Variants in GNB1 observed in about 807,000 individuals in gnomAD.
The protein encoded by GNB1 is guanine nucleotide-binding protein G(I)/G(S)/G(T) subunit beta-1.
GNB1 carries 2 observed loss-of-function variants against 42.9 expected under a neutral mutation model. The ratio of observed to expected loss-of-function variants is 0.05; its 90% CI spans 0.02 to 0.15. The LOEUF is 0.15. Among genes scored for constraint, GNB1 ranks in the 10% least tolerant of loss-of-function variants. The probability of loss-of-function intolerance (pLI) is 1.00; values close to 1 mark genes in which losing one functional copy is unlikely to be tolerated. For synonymous variants in GNB1, 183 were observed against 174.7 expected, an observed-to-expected ratio of 1.05 and a Z score of -0.38; for missense variants, 193 against 462.2, an observed-to-expected ratio of 0.42 and a Z score of 5.34.
chr1:1,871,336 T>C (rs1020530227), intron 1 of GNB1, among the ~76,000 whole-genome samples: 1 of 152,120 alleles, frequency 6.6e-6, no homozygotes, highest in Non-Finnish European at 1.5e-5. Flanking sequence ...GGCACACATC[T>C]ATAATCTCAG....
At chr1:1,800,954 C>T (rs1299580040) in intron 7 of GNB1, among the ~76,000 whole-genome samples, 1 of 152,198 alleles carries the variant, frequency 6.6e-6, no homozygotes, top group Non-Finnish European at 1.5e-5. Flanking sequence ...AAAGGACGCC[C>T]GCAGAAGGCG....
In GNB1 at chr1:1,800,963, C is replaced by T. The variant is rs137990954; in HGVS notation, c.430+3456G>A. On this transcript the variant is annotated intron_variant, in intron 7 of 11. Coordinates refer to ENST00000378609, the MANE Select transcript of GNB1 (RefSeq NM_002074.5). ...CGGCCGAAAGGACGCCCGCAGAAGG[C>T]GCCTTTGCAGGAGAGCGGGAAGGGC... is the stretch of plus-strand genomic sequence containing the variant. Among the ~76,000 whole-genome samples, 261 of 152,230 alleles carry T rather than the reference C, an allele frequency of 1.7e-3. 1 individual carries two copies. Among genetic ancestry groups the T allele is most frequent in the African/African-American group, 6.0e-3 (249 of 41,570 alleles).
At chr1:1,872,705 A>AAACCAAGTGCCCTCTCC (rs1553205869) in intron 1 of GNB1, among the ~76,000 whole-genome samples, 1 of 151,872 alleles carries the variant, frequency 6.6e-6, no homozygotes, top group African/African-American at 2.4e-5. Context: ...ACAATACCCT[A>AAACCAAGTGCCCTCTCC]AACCAAGTGC....
Position 1,790,908 on chromosome 1 carries a change from G to T in GNB1, c.498-312C>A, listed in dbSNP as rs753881248. On this transcript the variant is annotated intron_variant, in intron 8 of 11. Coordinates refer to ENST00000378609, the MANE Select transcript of GNB1 (RefSeq NM_002074.5). This position sits in a 1 kb window ranked among gnomAD's most constrained non-coding sequence, Gnocchi z 5.4. ...TTTCAAGCAGCACCACTGAGGCTGTGCCCCCTCTTTGGTCATGGATGGGCA... is the reference window on the plus strand; with the variant it reads ...TTTCAAGCAGCACCACTGAGGCTGTTCCCCCTCTTTGGTCATGGATGGGCA... 6.6e-5 allele frequency among the ~76,000 whole-genome samples: 10 copies of T among 152,148 alleles called. No homozygotes were observed. Among genetic ancestry groups the T allele is most frequent in the Non-Finnish European group, 1.3e-4 (9 of 68,032 alleles).
rs560199756 is a variant in GNB1 at position 1,857,905 on chromosome 1, A to G, written c.-95-18667T>C. ...CAGAACCACCATAACAACATACCGT[A>G]ATAAAAGTTATGGGAATGTGGTCTC... On this transcript the variant is annotated intron_variant, in intron 1 of 11. Coordinates refer to ENST00000378609, the MANE Select transcript of GNB1 (RefSeq NM_002074.5). 1.2e-4 allele frequency among the ~76,000 whole-genome samples: 19 copies of G among 152,294 alleles called. No homozygotes were observed. The South Asian group carries it at 3.9e-3, about 32-fold the overall frequency.
intron 1 of GNB1, among the ~76,000 whole-genome samples, chr1:1,860,116 T>C (rs941607268): frequency 4.6e-5 from 7 of 152,192 alleles, no homozygotes; most frequent in Non-Finnish European, 1.0e-4. Flanking sequence ...AATGAAAGCA[T>C]GTCCTTTGCA....
chr1:1,787,527 C>T lies in GNB1; in HGVS notation c.917-90G>A. ...GTTGTGACGAGGACGGATGGTGCATCTCTCATGGGACAAGACCCAGAGTCT... is the reference window on the plus strand; with the variant it reads ...GTTGTGACGAGGACGGATGGTGCATTTCTCATGGGACAAGACCCAGAGTCT... On this transcript the variant is annotated intron_variant, in intron 10 of 11. Transcript: ENST00000378609. The surrounding 1 kb of genome is among the most constrained non-coding windows in gnomAD (Gnocchi z 4.4). The T allele has an allele frequency of 1.3e-6, 1 of 767,166 alleles. No homozygotes were observed. The highest frequency in any genetic ancestry group is 2.2e-6 in the Non-Finnish European group (1 of 451,776). 47.5% of individuals were successfully genotyped at this position (767,166 alleles called of 1,614,324 possible). A position where few individuals can be genotyped will look rare whatever the true frequency, so the allele number is the denominator to read the frequency against.
rs1395773987 is a variant in GNB1 at position 1,787,144 on chromosome 1, A to G, written c.*10-91T>C. On this transcript the variant is annotated intron_variant, in intron 11 of 11. Transcript: ENST00000378609. This position sits in a 1 kb window ranked among gnomAD's most constrained non-coding sequence, Gnocchi z 4.4. ...AGGTCACTGCTCTTCCCATCACTGC[A>G]TGAGTGTCTGCAGCTGAGGGCACGT... 5 of 523,298 alleles carry G rather than the reference A, an allele frequency of 9.6e-6. No individual in the cohort carries two copies. The East Asian group carries it at 1.4e-4, about 14-fold the overall frequency. The allele number at this position is 523,298 out of a possible 1,614,324, so 32.4% of individuals were successfully genotyped here. A position where few individuals can be genotyped will look rare whatever the true frequency, so the allele number is the denominator to read the frequency against.
chr1:1,842,881 C>T (rs1334724070), intron 1 of GNB1, among the ~76,000 whole-genome samples: 1 of 152,236 alleles, frequency 6.6e-6, no homozygotes, highest in East Asian at 1.9e-4. Context: ...GAAGCGAAGC[C>T]TCGCTCCGGG....
intron 1 of GNB1, among the ~76,000 whole-genome samples, chr1:1,846,942 A>T (rs1264138871): frequency 6.6e-6 from 1 of 152,200 alleles, no homozygotes; most frequent in Non-Finnish European, 1.5e-5. Context: ...TGGCTTAAAA[A>T]ATGTTAAGAT....
intron 7 of GNB1, among the ~76,000 whole-genome samples, chr1:1,803,159 TA>T (rs1646648452): frequency 6.6e-6 from 1 of 152,222 alleles, no homozygotes; most frequent in Admixed American, 6.5e-5. Context: ...TGAGAACAAA[TA>T]ATACAGCCAG....
In GNB1 at chr1:1,807,713, CTTTTTTTT is replaced by C. The variant is rs950959780; in HGVS notation, c.204-1183_204-1176del. 9.0e-5 allele frequency among the ~76,000 whole-genome samples: 13 copies of C among 144,172 alleles called. No individual in the cohort carries two copies. The East Asian group carries it at 1.2e-3, about 13-fold the overall frequency. 94.6% of individuals were successfully genotyped at this position (144,172 alleles called of 152,430 possible). A position where few individuals can be genotyped will look rare whatever the true frequency, so the allele number is the denominator to read the frequency against. ...ACTATCACGAATTTTTTCTTTTTTT[CTTTTTTTT>C]TTTTGAGACGGAGTCTCGCTCCGTG... On this transcript the variant is annotated intron_variant, in intron 5 of 11. Coordinates refer to ENST00000378609, the MANE Select transcript of GNB1 (RefSeq NM_002074.5).
At chr1:1,832,063 CAAAAA>C (rs574314079) in intron 2 of GNB1, among the ~76,000 whole-genome samples, 1 of 87,082 alleles carries the variant, frequency 1.1e-5, no homozygotes, top group Non-Finnish European at 2.4e-5. Flanking sequence ...GACCTTGTCT[CAAAAA>C]AAAAAAAAAA....
At chr1:1,850,447 GT>G (rs1316401512) in intron 1 of GNB1, among the ~76,000 whole-genome samples, 1 of 151,594 alleles carries the variant, frequency 6.6e-6, no homozygotes, top group Non-Finnish European at 1.5e-5. Flanking sequence ...TGCTATTTTT[GT>G]TCTGGTTTAT....
At chr1:1,842,434 CAAAA>C (rs758786067) in intron 1 of GNB1, among the ~76,000 whole-genome samples, 3 of 91,290 alleles carry the variant, frequency 3.3e-5, no homozygotes, top group Non-Finnish European at 2.3e-5. Context: ...GACTCCATCT[CAAAA>C]AAAAAAAAAA....
chr1:1,797,074 C>T (rs1570629137), intron 7 of GNB1, among the ~76,000 whole-genome samples: 3 of 152,266 alleles, frequency 2.0e-5, no homozygotes, highest in Admixed American at 2.0e-4. Flanking sequence ...TGGCTGCCGA[C>T]CCAAAGACAG....
intron 1 of GNB1, among the ~76,000 whole-genome samples, chr1:1,841,230 C>A (rs561626250): frequency 6.6e-6 from 1 of 151,898 alleles, no homozygotes; most frequent in African/African-American, 2.4e-5. Context: ...ACTCTGTCAC[C>A]CTGGCTGGAG....
At chr1:1,858,608 G>C (rs1265838431) in intron 1 of GNB1, among the ~76,000 whole-genome samples, 1 of 152,158 alleles carries the variant, frequency 6.6e-6, no homozygotes, top group African/African-American at 2.4e-5. Context: ...AGACCACAGT[G>C]ATGAGTCCAG....
At position 1,806,334 on chromosome 1, in the gene GNB1, C is replaced by T. The variant is rs573831548; in HGVS notation, c.267+141G>A. On this transcript the variant is annotated intron_variant, in intron 6 of 11. Transcript: ENST00000378609. ...CGTGACTCAGCTTCTATCTCACCTGCGCAACTTCACTACTAACAAACAGAG... is the reference window on the plus strand; with the variant it reads ...CGTGACTCAGCTTCTATCTCACCTGTGCAACTTCACTACTAACAAACAGAG... 24 of 580,836 alleles carry T rather than the reference C, an allele frequency of 4.1e-5. No individual in the cohort carries two copies. The South Asian group carries it at 4.7e-4, about 11-fold the overall frequency. The allele number at this position is 580,836 out of a possible 1,614,324, so 36.0% of individuals were successfully genotyped here.
Sources: allele counts gnomAD v4.1 joint callset (sites outside exome capture counted in the v4.1 genomes callset), GRCh38; gene constraint gnomAD v4.1.1; non-coding constraint Gnocchi (gnomAD v3.1); transcripts MANE v1.5; gene names NCBI Gene and HGNC (gene_info 2026-07-23, HGNC 2026-07-21).